TPCN1: variants seen among roughly 807,000 people sequenced by gnomAD.
TPCN1 encodes the protein two pore channel protein 1.
Under a neutral mutation model 108.8 loss-of-function variants are expected in TPCN1, and 52 were observed. The ratio of observed to expected loss-of-function variants is 0.48; its 90% CI spans 0.38 to 0.60. The LOEUF is 0.60. Among genes scored for constraint, TPCN1 ranks in the 20% least tolerant of loss-of-function variants. TPCN1 has a pLI of 0.00. For missense variants in TPCN1, 806 were observed against 1,072.8 expected, an observed-to-expected ratio of 0.75 and a Z score of 3.47; for synonymous variants, 446 against 433.7, an observed-to-expected ratio of 1.03 and a Z score of -0.35.
chr12:113,291,646 T>C lies in TPCN1; in HGVS notation c.1997T>C (p.Leu666Pro). The change falls in exon 24 of 28, where the codon CTC becomes CCC. Residue 666 changes from leucine to proline, a missense_variant. By Grantham distance (98) the Leu-to-Pro change is moderately conservative. Coordinates refer to ENST00000335509, the MANE Select transcript of TPCN1 (RefSeq NM_017901.6). Reference sequence around the variant, plus strand: ...TCTCAGACCTCCCACTGGAGCCGCCTCTACTTCATGACCTTTTACATTGTG... The same window carrying C: ...TCTCAGACCTCCCACTGGAGCCGCCCCTACTTCATGACCTTTTACATTGTG... The part of the protein sequence containing the change: ...VTSQTSHWSR[L>P]YFMTFYIVTM... 6.2e-7 allele frequency: 1 copy of C among 1,613,928 alleles called. No individual in the cohort carries two copies. Among genetic ancestry groups the C allele is most frequent in the Non-Finnish European group, 8.5e-7 (1 of 1,179,948 alleles).
At position 113,230,350 on chromosome 12, in the gene TPCN1, A is replaced by G. The variant is rs1953642377; in HGVS notation, c.112+3386A>G. Among the ~76,000 whole-genome samples the G allele has an allele frequency of 3.0e-5, 4 of 131,320 alleles. No homozygotes were observed. The South Asian group carries it at 9.6e-4, about 31-fold the overall frequency. The allele number at this position is 131,320 out of a possible 152,430, so 86.2% of individuals were successfully genotyped here. A position where few individuals can be genotyped will look rare whatever the true frequency, so the allele number is the denominator to read the frequency against. On this transcript the variant is annotated intron_variant, in intron 2 of 27. Transcript: ENST00000335509. ...GTCACCCAGGCTGGAGTGCAGTGGC[A>G]CCATCTCAGTTCACTGCAACCTCCA...
intron 7 of TPCN1, among the ~76,000 whole-genome samples, chr12:113,271,023 G>T (rs7314153): frequency 0.091 from 13,914 of 152,146 alleles, 723 homozygotes; most frequent in East Asian, 0.21. Context: ...TCTAGGAGGA[G>T]GAGGCAGGCA....
chr12:113,293,181 G>C (rs560219215), intron 26 of TPCN1, 88 bp from the exon 27 acceptor site: 32 of 1,604,820 alleles, frequency 2.0e-5, no homozygotes, highest in Non-Finnish European at 2.6e-5. Flanking sequence ...AGTTGCAAAA[G>C]CCAGAGAAGT....
chr12:113,236,506 A>G (rs567650122), intron 2 of TPCN1, among the ~76,000 whole-genome samples: 1 of 151,954 alleles, frequency 6.6e-6, no homozygotes, highest in South Asian at 2.1e-4. Flanking sequence ...GGGACCGAAC[A>G]TCCCAGGGAG....
intron 2 of TPCN1, among the ~76,000 whole-genome samples, chr12:113,233,862 C>G (rs1476105513): frequency 6.6e-6 from 1 of 152,116 alleles, no homozygotes; most frequent in Non-Finnish European, 1.5e-5. Context: ...CACAAAGACA[C>G]TTTGACTTCC....
rs541156497 is a variant in TPCN1, at chr12:113,244,608, C to T, written c.113-15760C>T. On this transcript the variant is annotated intron_variant, in intron 2 of 27. Coordinates refer to ENST00000335509, the MANE Select transcript of TPCN1 (RefSeq NM_017901.6). The stretch of plus-strand genomic sequence containing the variant: ...CTGTGCCTGGAAAACTCATCAGTGT[C>T]ACTCTGGTTTATTTTCCTCTCCTCT... The T allele has an allele frequency of 3.4e-3, 3,393 of 985,444 alleles. 6 individuals are homozygous for T. The highest frequency in any genetic ancestry group is 4.0e-3 in the Non-Finnish European group (3,292 of 829,946). 61.0% of individuals were successfully genotyped at this position (985,444 alleles called of 1,614,324 possible).
At position 113,278,238 on chromosome 12, in the gene TPCN1, G is replaced by A; in HGVS notation, c.1233+1G>A. ...CGAAGTTGCTGCTTTGAAGTGGAAG[G>A]TGAGTTCTTCTCTGAGACCATAGAA... On this transcript the variant is annotated splice_donor_variant, in intron 13 of 27. Coordinates refer to ENST00000335509, the MANE Select transcript of TPCN1 (RefSeq NM_017901.6). LOFTEE classifies it high-confidence loss of function. 1 of 1,613,852 alleles carries A rather than the reference G, an allele frequency of 6.2e-7. No individual in the cohort carries two copies. Among genetic ancestry groups the A allele is most frequent in the Non-Finnish European group, 8.5e-7 (1 of 1,179,818 alleles).
chr12:113,295,991 A>G lies in TPCN1; in HGVS notation c.2366A>G (p.Glu789Gly), dbSNP rs1284071516. ...EWYEEHAREQ[E>G]QQRQLSSSAA... ...TATGAGGAGCATGCCAGGGAGCAAG[A>G]GCAGCAGCGACAACTCAGCAGCAGT... Residue 789 changes from glutamate to glycine, a missense_variant, in exon 28 of 28, where the codon GAG becomes GGG. Transcript: ENST00000335509. The G allele has an allele frequency of 6.2e-7, 1 of 1,611,790 alleles. No homozygotes were observed. The highest frequency in any genetic ancestry group is 8.5e-7 in the Non-Finnish European group (1 of 1,179,460).
At chr12:113,226,698 T>C in intron 1 of TPCN1, 30 bp from the exon 2 acceptor site, 2 of 1,452,644 alleles carry the variant, frequency 1.4e-6, no homozygotes, top group Non-Finnish European at 1.9e-6. Context: ...TTAATAATTA[T>C]CTTTTATTTT....
rs946524327 is a variant in TPCN1, at chr12:113,273,932, C to G, written c.942+264C>G. Among the ~76,000 whole-genome samples, 1 of 152,158 alleles carries G rather than the reference C, an allele frequency of 6.6e-6. No individual in the cohort carries two copies. The highest frequency in any genetic ancestry group is 2.4e-5 in the African/African-American group (1 of 41,420). On this transcript the variant is annotated intron_variant, in intron 10 of 27. Coordinates refer to ENST00000335509, the MANE Select transcript of TPCN1 (RefSeq NM_017901.6). This position sits in a 1 kb window ranked among gnomAD's most constrained non-coding sequence, Gnocchi z 4.0. Reference sequence around the variant, plus strand: ...AGTGCTGGATGTGAAACCCAGGCAACCCTGGGACCTTTTCATTCTTACATC... The same window carrying G: ...AGTGCTGGATGTGAAACCCAGGCAAGCCTGGGACCTTTTCATTCTTACATC...
rs1049142773 is a variant in TPCN1 at position 113,278,661 on chromosome 12, T to C, written c.1234-111T>C. ...TCATGTAGATCCCTGAAGGTTAACA[T>C]TGTTCCCCAGTTTAGCAGGGTGAAC... is the stretch of plus-strand genomic sequence containing the variant. On this transcript the variant is annotated intron_variant, in intron 13 of 27. Coordinates refer to ENST00000335509, the MANE Select transcript of TPCN1 (RefSeq NM_017901.6). 3.6e-6 allele frequency: 3 copies of C among 842,404 alleles called. No homozygotes were observed. In the African/African-American group the frequency reaches 5.1e-5, roughly 14 times the overall value. The allele number at this position is 842,404 out of a possible 1,614,324, so 52.2% of individuals were successfully genotyped here. A position where few individuals can be genotyped will look rare whatever the true frequency, so the allele number is the denominator to read the frequency against.
intron 2 of TPCN1, among the ~76,000 whole-genome samples, chr12:113,237,425 C>T (rs577031967): frequency 1.4e-4 from 21 of 152,070 alleles, no homozygotes; most frequent in Middle Eastern, 3.4e-3. Context: ...GGCACAGTCT[C>T]GGCTCACTGC....
intron 2 of TPCN1, among the ~76,000 whole-genome samples, chr12:113,238,595 C>G (rs1953982970): frequency 6.6e-6 from 1 of 152,234 alleles, no homozygotes; most frequent in African/African-American, 2.4e-5. Flanking sequence ...ACTCCTGGCC[C>G]TTCCTGTTTA....
In TPCN1 at chr12:113,273,719, C is replaced by G; in HGVS notation, c.942+51C>G. 1 of 1,386,272 alleles carries G rather than the reference C, an allele frequency of 7.2e-7. No homozygotes were observed. The highest frequency in any genetic ancestry group is 1.2e-5 in the South Asian group (1 of 86,662). The allele number at this position is 1,386,272 out of a possible 1,614,324, so 85.9% of individuals were successfully genotyped here. On this transcript the variant is annotated intron_variant, in intron 10 of 27. Coordinates refer to ENST00000335509, the MANE Select transcript of TPCN1 (RefSeq NM_017901.6). The surrounding 1 kb of genome is among the most constrained non-coding windows in gnomAD (Gnocchi z 4.0). ...CTGAAGCAGCCTGCCCCTACCCATG[C>G]AGCACTAGGCACTGTGGGAGTGGAG...
Position 113,266,891 on chromosome 12 carries a change from G to A in TPCN1, c.414+535G>A, listed in dbSNP as rs1442440959. Among the ~76,000 whole-genome samples, 1 of 152,194 alleles carries A rather than the reference G, an allele frequency of 6.6e-6. No homozygotes were observed. The highest frequency in any genetic ancestry group is 1.5e-5 in the Non-Finnish European group (1 of 68,024). The stretch of plus-strand genomic sequence containing the variant: ...AAGGGAGCCTGTGCCTGTTGAGTTA[G>A]GAAGCGCTCATCCAGCCTGGCCTCC... On this transcript the variant is annotated intron_variant, in intron 4 of 27. Transcript: ENST00000335509. This position sits in a 1 kb window ranked among gnomAD's most constrained non-coding sequence, Gnocchi z 4.2.
At chr12:113,250,823 G>T (rs1489877018) in intron 2 of TPCN1, among the ~76,000 whole-genome samples, 2 of 151,966 alleles carry the variant, frequency 1.3e-5, no homozygotes, top group Admixed American at 6.6e-5. Context: ...GGGTGTGTTG[G>T]TGCACGCCTG....
chr12:113,262,101 T>G (rs1399198168), intron 3 of TPCN1, among the ~76,000 whole-genome samples: 1 of 152,218 alleles, frequency 6.6e-6, no homozygotes, highest in African/African-American at 2.4e-5. Context: ...GATGAGGAAA[T>G]AGACTTTTTC....
rs950457634 is a variant in TPCN1, at chr12:113,272,974, G to A, written c.784-258G>A. ...GCAGAGGAGCAGTGGGGGAGAGCCA[G>A]GCGAATGGCCCAGACATGTGACTCC... On this transcript the variant is annotated intron_variant, in intron 8 of 27. Transcript: ENST00000335509. The surrounding 1 kb of genome is among the most constrained non-coding windows in gnomAD (Gnocchi z 4.1). Among the ~76,000 whole-genome samples, 1 of 152,232 alleles carries A rather than the reference G, an allele frequency of 6.6e-6. No individual in the cohort carries two copies. The highest frequency in any genetic ancestry group is 2.4e-5 in the African/African-American group (1 of 41,470).
At chr12:113,248,578 A>G (rs1470347146) in intron 2 of TPCN1, among the ~76,000 whole-genome samples, 1 of 152,164 alleles carries the variant, frequency 6.6e-6, no homozygotes, top group Non-Finnish European at 1.5e-5. Context: ...AAAGCAGCCA[A>G]AGATCGGGGA....
Sources: allele counts gnomAD v4.1 joint callset (sites outside exome capture counted in the v4.1 genomes callset), GRCh38; gene constraint gnomAD v4.1.1; non-coding constraint Gnocchi (gnomAD v3.1); transcripts MANE v1.5; gene names NCBI Gene and HGNC (gene_info 2026-07-23, HGNC 2026-07-21).